The following NFIB variants were observed in gnomAD, a reference collection of about 807,000 sequenced individuals.
NFIB encodes the protein nuclear factor I B.
Under a neutral mutation model 61.5 loss-of-function variants are expected in NFIB, and 11 were observed. The observed-to-expected ratio is 0.18, with a 90% confidence interval of 0.11 to 0.30. The LOEUF (loss-of-function observed/expected upper bound fraction) is 0.30, where lower values mean the gene tolerates loss of function less well. NFIB is among the 10% of genes least tolerant of loss of function. The pLI is 1.00. For synonymous variants in NFIB, 260 were observed against 216.5 expected, an observed-to-expected ratio of 1.20 and a Z score of -1.76; for missense variants, 471 against 608.9, an observed-to-expected ratio of 0.77 and a Z score of 2.38.
intron 10 of NFIB, among the ~76,000 whole-genome samples, chr9:14,104,525 T>C (rs972367874): frequency 5.3e-5 from 8 of 152,104 alleles, no homozygotes; most frequent in South Asian, 2.1e-4. Context: ...ATGTTAATGA[T>C]TTATCACTTA....
intron 1 of NFIB, among the ~76,000 whole-genome samples, chr9:14,341,527 T>C (rs1361153367): frequency 6.6e-6 from 1 of 152,078 alleles, no homozygotes; most frequent in Non-Finnish European, 1.5e-5. Context: ...GAAGGGACTG[T>C]GAGGGACTGG....
chr9:14,295,417 G>T (rs1346604046), intron 2 of NFIB, among the ~76,000 whole-genome samples: 1 of 152,074 alleles, frequency 6.6e-6, no homozygotes, highest in African/African-American at 2.4e-5. Flanking sequence ...ACGAGGTCAG[G>T]AGATGGAGAT....
chr9:14,322,506 C>T (rs985937620), intron 1 of NFIB, among the ~76,000 whole-genome samples: 4 of 152,112 alleles, frequency 2.6e-5, no homozygotes, highest in African/African-American at 9.7e-5. Context: ...CCCAGCAGCG[C>T]ACCCTTCCGC....
intron 8 of NFIB, among the ~76,000 whole-genome samples, chr9:14,117,466 G>C (rs2038311075): frequency 6.6e-6 from 1 of 151,808 alleles, no homozygotes; most frequent in African/African-American, 2.4e-5. Flanking sequence ...CAAGTATATA[G>C]TCTTTATAAT....
In NFIB at chr9:14,355,678, C is replaced by T. The variant is rs114710568; in HGVS notation, c.108+42846G>A. On this transcript the variant is annotated intron_variant, in intron 1 of 8. Transcript: ENST00000380934. ...GGCTTAAATACCCTGCTTGCCTGGC[C>T]GGCTGCAGTGGCTCACGCCTGTAAT... Among the ~76,000 whole-genome samples, 812 of 152,276 alleles carry T rather than the reference C, an allele frequency of 5.3e-3. 8 individuals carry two copies. Among genetic ancestry groups the T allele is most frequent in the East Asian group, 0.017 (88 of 5,188 alleles).
chr9:14,090,666 G>A (rs1456624212), intron 10 of NFIB, among the ~76,000 whole-genome samples: 10 of 152,010 alleles, frequency 6.6e-5, no homozygotes, highest in Non-Finnish European at 1.5e-5. Context: ...TGTACCAAAA[G>A]CAAAAGGACT....
At chr9:14,462,139 G>C in the NFIB span, among the ~76,000 whole-genome samples, 3 of 152,118 alleles carry the variant, frequency 2.0e-5, no homozygotes, top group Non-Finnish European at 4.4e-5. Flanking sequence ...TAAATTATTT[G>C]CAAGTTAAAT....
chr9:14,168,660 T>C (rs182973162), intron 3 of NFIB, among the ~76,000 whole-genome samples: 3 of 152,324 alleles, frequency 2.0e-5, no homozygotes, highest in East Asian at 3.9e-4. Flanking sequence ...GTAATGGATA[T>C]ATCAGAGGGA....
intron 4 of NFIB, among the ~76,000 whole-genome samples, chr9:14,153,545 A>C (rs1251807341): frequency 6.6e-6 from 1 of 152,108 alleles, no homozygotes; most frequent in African/African-American, 2.4e-5. Context: ...CCAACCTTTA[A>C]TCTCCCTTAT....
intron 1 of NFIB, among the ~76,000 whole-genome samples, chr9:14,360,679 G>A (rs1362085610): frequency 1.3e-5 from 2 of 151,788 alleles, no homozygotes; most frequent in Admixed American, 6.6e-5. Context: ...TGAGCAGCTG[G>A]GACTACAGGC....
At chr9:14,141,871 C>T (rs543363761) in intron 6 of NFIB, among the ~76,000 whole-genome samples, 40 of 134,832 alleles carry the variant, frequency 3.0e-4, no homozygotes, top group African/African-American at 1.1e-3. Flanking sequence ...TTTGTTCTTT[C>T]ACTCTTTGCA....
chr9:14,400,444 G>GT (rs148970406), upstream of NFIB, among the ~76,000 whole-genome samples: 2,889 of 151,948 alleles, frequency 0.019, 74 homozygotes, highest in African/African-American at 0.066. Flanking sequence ...GTTTTGTTTT[G>GT]TTTTTTTGAC....
At chr9:14,111,728 A>C (rs879624083) in intron 10 of NFIB, among the ~76,000 whole-genome samples, 4 of 152,218 alleles carry the variant, frequency 2.6e-5, no homozygotes, top group African/African-American at 4.8e-5. Context: ...TGGCAAAACC[A>C]CTAATTATTA....
intron 2 of NFIB, among the ~76,000 whole-genome samples, chr9:14,219,912 A>G (rs1480119506): frequency 2.6e-5 from 4 of 152,244 alleles, no homozygotes; most frequent in Non-Finnish European, 5.9e-5. Context: ...TGGGACTCTT[A>G]TAACAAAGCT....
intron 2 of NFIB, among the ~76,000 whole-genome samples, chr9:14,185,765 G>C (rs1266393539): frequency 6.6e-6 from 1 of 152,176 alleles, no homozygotes; most frequent in African/African-American, 2.4e-5. Context: ...GCAAGCCAGG[G>C]AAACAGACAC....
chr9:14,108,222 G>A (rs2036849730), intron 10 of NFIB, among the ~76,000 whole-genome samples: 1 of 152,034 alleles, frequency 6.6e-6, no homozygotes. Context: ...GACACAATAA[G>A]AACAGCCCAA....
At chr9:14,463,815 C>T in the NFIB span, among the ~76,000 whole-genome samples, 4 of 152,008 alleles carry the variant, frequency 2.6e-5, no homozygotes, top group South Asian at 2.1e-4. Flanking sequence ...CGCCCGCCAC[C>T]AAGCCCGGCT....
chr9:14,428,476 C>A, the NFIB span, among the ~76,000 whole-genome samples: 2 of 151,788 alleles, frequency 1.3e-5, no homozygotes, highest in African/African-American at 4.8e-5. Flanking sequence ...ATTGGGGGGA[C>A]GTGCATTCAA....
At chr9:14,413,884 C>T in the NFIB span, among the ~76,000 whole-genome samples, 55 of 152,138 alleles carry the variant, frequency 3.6e-4, no homozygotes, top group African/African-American at 1.1e-3. Context: ...GTGAAAAAAG[C>T]CACTAAAATA....
Sources: gnomAD v4.1 joint callset for allele counts (sites outside exome capture counted in the v4.1 genomes callset) on GRCh38, gnomAD v4.1.1 for gene constraint, MANE v1.5 for transcripts, NCBI Gene and HGNC (gene_info 2026-07-23, HGNC 2026-07-21) for gene names.